Variants in NARS2 observed in about 807,000 individuals in gnomAD.
NARS2 encodes the protein asparaginyl-tRNA synthetase 2, mitochondrial.
In NARS2, 60 loss-of-function variants were observed where a neutral mutation model predicts 62.9. The observed-to-expected ratio is 0.95, with a 90% CI of 0.77 to 1.18. NARS2 has a LOEUF of 1.18. NARS2 is among the 50% of genes most tolerant of loss of function. NARS2 has a pLI of 0.00. For synonymous variants in NARS2, 196 were observed against 200.0 expected (o/e 0.98, Z 0.17); for missense variants, 619 against 576.4 (o/e 1.07, Z -0.76).
At chr11:78,565,043 C>T (rs188029877) in intron 4 of NARS2, among the ~76,000 whole-genome samples, 3 of 152,298 alleles carry the variant, frequency 2.0e-5, no homozygotes, top group Admixed American at 1.3e-4. Flanking sequence ...CACAAAACCA[C>T]GTGGAATAAC....
At chr11:78,571,497 T>C in intron 1 of NARS2, 53 bp from the exon 2 acceptor site, 2 of 1,206,634 alleles carry the variant, frequency 1.7e-6, no homozygotes, top group Admixed American at 1.8e-5. Context: ...ACGTTTTCAT[T>C]ACACATACAC....
At chr11:78,472,733 CTGT>C (rs1457125548) in intron 9 of NARS2, among the ~76,000 whole-genome samples, 1 of 152,186 alleles carries the variant, frequency 6.6e-6, no homozygotes, top group Non-Finnish European at 1.5e-5. Context: ...CGCCATCTCC[CTGT>C]TTTTTCTTTT....
At chr11:78,537,236 C>T (rs1229276995) in intron 5 of NARS2, among the ~76,000 whole-genome samples, 3 of 151,744 alleles carry the variant, frequency 2.0e-5, no homozygotes, top group Non-Finnish European at 2.9e-5. Context: ...TGTTAAGTCA[C>T]GATACAAAAA....
chr11:78,536,773 GC>G lies in NARS2; in HGVS notation c.595-7838del, dbSNP rs1855369016. 2.6e-5 allele frequency among the ~76,000 whole-genome samples: 4 copies of G among 152,246 alleles called. No individual in the cohort carries two copies. The South Asian group carries it at 8.3e-4, about 32-fold the overall frequency. ...TAGTGTAGCTTAAGTACATAGGTTT[GC>G]AAAGTTTGCAGTAATGTCCTAGGCC... On this transcript the variant is annotated intron_variant, in intron 5 of 13. Transcript: ENST00000281038.
Position 78,465,953 on chromosome 11 carries a change from G to T in NARS2, c.1087C>A (p.Pro363Thr). The change falls in exon 11 of 14, where the codon CCT (proline) becomes ACT (threonine). Residue 363 changes from proline to threonine, a missense_variant. Coordinates refer to ENST00000281038, the MANE Select transcript of NARS2 (RefSeq NM_024678.6). ...AATGGATAATTAATAACGAAGACAG[G>T]TATGTTGCCACAGTGCTTCACCAGG... The part of the protein sequence containing the change: ...KYLVKHCGNI[P>T]VFVINYPLTL... The T allele has an allele frequency of 6.2e-7, 1 of 1,613,950 alleles. No homozygotes were observed. Among genetic ancestry groups the T allele is most frequent in the Non-Finnish European group, 8.5e-7 (1 of 1,179,894 alleles).
At chr11:78,511,443 C>T (rs752229095) in intron 6 of NARS2, among the ~76,000 whole-genome samples, 3 of 152,090 alleles carry the variant, frequency 2.0e-5, no homozygotes, top group East Asian at 1.9e-4. Context: ...ACAGGCCAGG[C>T]GCAGTGGCTT....
intron 3 of NARS2, 95 bp from the exon 4 acceptor site, chr11:78,566,367 C>T (rs894098348): frequency 2.1e-6 from 2 of 954,422 alleles, no homozygotes; most frequent in African/African-American, 3.4e-5. Flanking sequence ...GCTTTGGAAC[C>T]AAACTAAGAT....
At chr11:78,464,398 C>T (rs1367955829) in intron 11 of NARS2, among the ~76,000 whole-genome samples, 1 of 152,164 alleles carries the variant, frequency 6.6e-6, no homozygotes, top group Non-Finnish European at 1.5e-5. Context: ...TGCTTTTATT[C>T]TCTTATCTGG....
chr11:78,474,018 A>G (rs1246781076), intron 9 of NARS2, among the ~76,000 whole-genome samples: 1 of 152,192 alleles, frequency 6.6e-6, no homozygotes, highest in Non-Finnish European at 1.5e-5. Flanking sequence ...AACTGTCCAT[A>G]TCACTCTGGT....
intron 7 of NARS2, among the ~76,000 whole-genome samples, chr11:78,482,811 T>C (rs1859413393): frequency 6.6e-6 from 1 of 151,920 alleles, no homozygotes; most frequent in Non-Finnish European, 1.5e-5. Flanking sequence ...CTACCAGAGG[T>C]ACAAAGAGGA....
intron 6 of NARS2, among the ~76,000 whole-genome samples, chr11:78,518,372 T>A (rs1417428928): frequency 2.0e-5 from 3 of 152,116 alleles, no homozygotes; most frequent in African/African-American, 7.2e-5. Context: ...GAATGAGAAT[T>A]TATGCTTTAC....
intron 11 of NARS2, among the ~76,000 whole-genome samples, chr11:78,458,179 C>T (rs1036186697): frequency 8.5e-5 from 13 of 152,068 alleles, no homozygotes; most frequent in African/African-American, 2.7e-4. Flanking sequence ...ATGCTAATTA[C>T]CCTAATTTGA....
intron 7 of NARS2, among the ~76,000 whole-genome samples, chr11:78,484,066 A>G (rs1859469696): frequency 6.6e-6 from 1 of 152,214 alleles, no homozygotes; most frequent in African/African-American, 2.4e-5. Context: ...AACAAAACAG[A>G]GACCTCAGAA....
chr11:78,485,538 T>C (rs1859534676), intron 7 of NARS2, among the ~76,000 whole-genome samples: 1 of 152,126 alleles, frequency 6.6e-6, no homozygotes, highest in African/African-American at 2.4e-5. Context: ...GTTCCATTTT[T>C]ACCTCCTTTG....
chr11:78,473,464 GT>G (rs144338640), intron 9 of NARS2, among the ~76,000 whole-genome samples: 2,893 of 152,286 alleles, frequency 0.019, 85 homozygotes, highest in African/African-American at 0.059. Flanking sequence ...CTTCAGTAGA[GT>G]TTGTTTTGAG....
chr11:78,568,791 T>C (rs371846814), intron 2 of NARS2, 39 bp from the exon 3 acceptor site: 35 of 1,460,246 alleles, frequency 2.4e-5, no homozygotes, highest in Middle Eastern at 3.6e-4. Flanking sequence ...GATATCATTA[T>C]ATACAACCTT....
At chr11:78,481,746 T>C (rs907652425) in intron 7 of NARS2, among the ~76,000 whole-genome samples, 9 of 152,194 alleles carry the variant, frequency 5.9e-5, no homozygotes, top group Non-Finnish European at 8.8e-5. Flanking sequence ...GAAAATATTC[T>C]TTGTTAGAAC....
At chr11:78,507,400 C>T (rs949016611) in intron 6 of NARS2, among the ~76,000 whole-genome samples, 2 of 151,660 alleles carry the variant, frequency 1.3e-5, no homozygotes, top group African/African-American at 4.8e-5. Context: ...CAGCCTTCAA[C>T]AATTTAAAAA....
chr11:78,468,755 T>G (rs892306767), intron 10 of NARS2, among the ~76,000 whole-genome samples: 1 of 151,970 alleles, frequency 6.6e-6, no homozygotes, highest in Non-Finnish European at 1.5e-5. Flanking sequence ...ACAGAACTAG[T>G]TGACTTTTAC....
Sources: gnomAD v4.1 joint callset for allele counts (sites outside exome capture counted in the v4.1 genomes callset) on GRCh38, gnomAD v4.1.1 for gene constraint, MANE v1.5 for transcripts, NCBI Gene and HGNC (gene_info 2026-07-23, HGNC 2026-07-21) for gene names.